The following CNTNAP3B variants were observed in gnomAD, a reference collection of about 807,000 sequenced individuals.
The protein encoded by CNTNAP3B is contactin-associated protein-like 3B.
CNTNAP3B carries 25 observed loss-of-function variants against 108.9 expected under a neutral mutation model. The observed-to-expected ratio is 0.23, with a 90% CI of 0.17 to 0.32. The LOEUF (loss-of-function observed/expected upper bound fraction) is 0.32, where lower values mean the gene tolerates loss of function less well. Ranked by LOEUF, CNTNAP3B falls within the 10% of genes least tolerant of loss-of-function variation. The probability of loss-of-function intolerance (pLI) is 1.00; values close to 1 mark genes in which losing one functional copy is unlikely to be tolerated. For missense variants in CNTNAP3B, 252 were observed against 1,210.4 expected (o/e 0.21, Z 11.75); for synonymous variants, 103 against 473.4 (o/e 0.22, Z 10.16).
At chr9:41,928,598 G>A (rs1400908667) in intron 15 of CNTNAP3B, among the ~76,000 whole-genome samples, 3 of 152,292 alleles carry the variant, frequency 2.0e-5, no homozygotes, top group African/African-American at 7.2e-5. Context: ...CAGGCTCCTT[G>A]TTGAACCACC....
intron 12 of CNTNAP3B, among the ~76,000 whole-genome samples, chr9:41,956,618 A>T (rs1017042417): frequency 1.3e-5 from 2 of 148,746 alleles, no homozygotes; most frequent in African/African-American, 5.0e-5. Flanking sequence ...TGTCAGGAGC[A>T]TACATATTAA....
intron 3 of CNTNAP3B, among the ~76,000 whole-genome samples, chr9:42,052,191 TC>T (rs1367493985): frequency 8.8e-6 from 1 of 114,030 alleles, no homozygotes; most frequent in South Asian, 3.4e-4. Flanking sequence ...TTAATGCCCA[TC>T]TTTTATTCTC....
chr9:42,072,945 C>A (rs1277074928), intron 3 of CNTNAP3B, among the ~76,000 whole-genome samples: 2 of 138,548 alleles, frequency 1.4e-5, no homozygotes, highest in African/African-American at 5.8e-5. Context: ...TGCAATAAAA[C>A]ATATGAATAT....
Position 41,955,101 on chromosome 9 carries a change from G to A in CNTNAP3B, c.1877-1715C>T, listed in dbSNP as rs1824815337. 5.3e-5 allele frequency among the ~76,000 whole-genome samples: 8 copies of A among 150,368 alleles called. No homozygotes were observed. In the South Asian group the frequency reaches 1.7e-3, roughly 32 times the overall value. The stretch of plus-strand genomic sequence containing the variant: ...AAAAACCTATGGAACACTAAGTTGG[G>A]CATTGAAGATGCTCAACCACATGCC... On this transcript the variant is annotated intron_variant, in intron 12 of 23. Transcript: ENST00000377561.
At chr9:41,946,507 C>T (rs1435431202) in intron 13 of CNTNAP3B, among the ~76,000 whole-genome samples, 1 of 42,680 alleles carries the variant, frequency 2.3e-5, no homozygotes, top group African/African-American at 8.5e-5. Context: ...AATAATAAAA[C>T]ATGGTGAAAG....
chr9:41,990,529 G>A lies in CNTNAP3B; in HGVS notation c.1333+1081C>T, dbSNP rs1382950654. On this transcript the variant is annotated intron_variant, in intron 8 of 23. Transcript: ENST00000377561. ...TCACGGGTCTTGAAATCGTGCTTTC[G>A]TACCACAACATTTAATAGCAGTATA... is the stretch of plus-strand genomic sequence containing the variant. Among the ~76,000 whole-genome samples, 22 of 124,786 alleles carry A rather than the reference G, an allele frequency of 1.8e-4. 1 individual carries two copies. In the East Asian group the frequency reaches 2.7e-3, roughly 15 times the overall value. 81.9% of individuals were successfully genotyped at this position (124,786 alleles called of 152,430 possible).
intron 1 of CNTNAP3B, among the ~76,000 whole-genome samples, chr9:42,120,476 T>C (rs555422745): frequency 7.2e-6 from 1 of 138,184 alleles, no homozygotes; most frequent in South Asian, 2.4e-4. Flanking sequence ...TTACTGGGTA[T>C]ATACCCAAAG....
chr9:42,072,898 T>C lies in CNTNAP3B; in HGVS notation c.390+3971A>G, dbSNP rs1587248270. 1.5e-5 allele frequency among the ~76,000 whole-genome samples: 2 copies of C among 132,692 alleles called. 1 individual carries two copies. The highest frequency in any genetic ancestry group is 6.1e-5 in the African/African-American group (2 of 32,554). 87.1% of individuals were successfully genotyped at this position (132,692 alleles called of 152,430 possible). ...GGTCATACTGTGTATACACCAAATATGAGTGACTAGGTGGTAATCACATAT... is the reference window on the plus strand; with the variant it reads ...GGTCATACTGTGTATACACCAAATACGAGTGACTAGGTGGTAATCACATAT... On this transcript the variant is annotated intron_variant, in intron 3 of 23. Coordinates refer to ENST00000377561, the MANE Select transcript of CNTNAP3B (RefSeq NM_001201380.3).
At chr9:41,946,184 AG>A (rs1824530697) in intron 13 of CNTNAP3B, among the ~76,000 whole-genome samples, 1 of 138,466 alleles carries the variant, frequency 7.2e-6, no homozygotes, top group South Asian at 2.3e-4. Flanking sequence ...CAGACTCAGC[AG>A]GAAGAAAATC....
At chr9:41,927,138 C>T (rs1588044129) in intron 15 of CNTNAP3B, among the ~76,000 whole-genome samples, 2 of 152,266 alleles carry the variant, frequency 1.3e-5, no homozygotes, top group African/African-American at 2.4e-5. Context: ...AGATCCCTCC[C>T]TTGAGCTCTT....
At chr9:41,925,329 C>T (rs1321606829) in intron 15 of CNTNAP3B, among the ~76,000 whole-genome samples, 1 of 152,150 alleles carries the variant, frequency 6.6e-6, no homozygotes, top group Non-Finnish European at 1.5e-5. Context: ...CGCAGTGGCT[C>T]ACGCCTGTAA....
At chr9:41,982,046 G>T (rs1440507598) in intron 9 of CNTNAP3B, among the ~76,000 whole-genome samples, 1 of 60,792 alleles carries the variant, frequency 1.6e-5, no homozygotes, top group Non-Finnish European at 2.7e-5. Flanking sequence ...CAACAGGTGA[G>T]ACTGACTCTA....
At chr9:42,029,509 C>G (rs1451883898) in intron 3 of CNTNAP3B, among the ~76,000 whole-genome samples, 2 of 119,740 alleles carry the variant, frequency 1.7e-5, no homozygotes, top group Non-Finnish European at 3.4e-5. Context: ...AATAAACCAA[C>G]AAAGTATGAT....
intron 1 of CNTNAP3B, among the ~76,000 whole-genome samples, chr9:42,121,781 C>A (rs1316282193): frequency 7.1e-6 from 1 of 140,020 alleles, no homozygotes; most frequent in East Asian, 2.1e-4. Flanking sequence ...TAATTATATT[C>A]ATGAAGAAGA....
chr9:42,119,220 C>T (rs1828399988), intron 1 of CNTNAP3B, among the ~76,000 whole-genome samples: 1 of 115,854 alleles, frequency 8.6e-6, no homozygotes, highest in Non-Finnish European at 1.8e-5. Flanking sequence ...GAGTGAACTC[C>T]CATTCACAAT....
At chr9:42,028,930 T>G (rs1212225465) in intron 3 of CNTNAP3B, among the ~76,000 whole-genome samples, 1 of 151,890 alleles carries the variant, frequency 6.6e-6, no homozygotes, top group Non-Finnish European at 1.5e-5. Context: ...AATTAAAATT[T>G]TTTTGGCATT....
chr9:42,124,932 A>G (rs1028752209), intron 1 of CNTNAP3B, among the ~76,000 whole-genome samples: 1 of 138,152 alleles, frequency 7.2e-6, no homozygotes. Flanking sequence ...ATTTAACTAC[A>G]CTTACTTATT....
chr9:41,925,573 A>G (rs1823794357), intron 15 of CNTNAP3B, among the ~76,000 whole-genome samples: 1 of 151,542 alleles, frequency 6.6e-6, no homozygotes, highest in Non-Finnish European at 1.5e-5. Flanking sequence ...AGCCTGCGCA[A>G]CAGAGCGAGA....
chr9:41,955,645 G>A (rs1824834572), intron 12 of CNTNAP3B, among the ~76,000 whole-genome samples: 1 of 152,290 alleles, frequency 6.6e-6, no homozygotes, highest in African/African-American at 2.4e-5. Context: ...AATTGGACCT[G>A]AGTAGATTAA....
Sources: allele counts gnomAD v4.1 joint callset (sites outside exome capture counted in the v4.1 genomes callset), GRCh38; gene constraint gnomAD v4.1.1; transcripts MANE v1.5; gene names NCBI Gene and HGNC (gene_info 2026-07-23, HGNC 2026-07-21).